MDFIC2: variants seen among roughly 807,000 people sequenced by gnomAD.
MDFIC2 encodes the protein MyoD family inhibitor domain containing 2, also known as myoD family inhibitor domain-containing protein 2.
chr3:70,259,787 G>A (rs1701848822), intron 2 of MDFIC2, among the ~76,000 whole-genome samples: 1 of 152,132 alleles, frequency 6.6e-6, no homozygotes, highest in Admixed American at 6.5e-5. Context: ...GACCGAGACT[G>A]GGTCATTTAT....
chr3:70,198,032 T>C (rs1003585954), intron 3 of MDFIC2, among the ~76,000 whole-genome samples: 2 of 152,224 alleles, frequency 1.3e-5, no homozygotes, highest in African/African-American at 4.8e-5. Flanking sequence ...TTAGAAGATG[T>C]AGCAGTTCTC....
intron 2 of MDFIC2, among the ~76,000 whole-genome samples, chr3:70,276,475 A>T (rs549049454): frequency 6.6e-6 from 1 of 152,336 alleles, no homozygotes; most frequent in South Asian, 2.1e-4. Flanking sequence ...TAATACTTAG[A>T]AGTGGCTGTC....
intron 2 of MDFIC2, among the ~76,000 whole-genome samples, chr3:70,298,693 G>C (rs2106699651): frequency 6.6e-6 from 1 of 152,138 alleles, no homozygotes; most frequent in African/African-American, 2.4e-5. Flanking sequence ...ATATTGACTT[G>C]CCCAAACTTT....
chr3:70,276,589 G>A (rs1440467030), intron 2 of MDFIC2, among the ~76,000 whole-genome samples: 1 of 152,078 alleles, frequency 6.6e-6, no homozygotes, highest in Non-Finnish European at 1.5e-5. Flanking sequence ...ACCTACCTGA[G>A]GATACCATGG....
chr3:70,289,281 C>A (rs1236610085), intron 2 of MDFIC2, among the ~76,000 whole-genome samples: 2 of 151,038 alleles, frequency 1.3e-5, no homozygotes, highest in African/African-American at 4.9e-5. Context: ...TCAGCATTTG[C>A]TTGTCTGTAA....
intron 2 of MDFIC2, among the ~76,000 whole-genome samples, chr3:70,215,138 CTT>C (rs1405133416): frequency 6.6e-6 from 1 of 152,090 alleles, no homozygotes; most frequent in Non-Finnish European, 1.5e-5. Flanking sequence ...CTTAAAGTCT[CTT>C]ATGTGCATTA....
intron 2 of MDFIC2, among the ~76,000 whole-genome samples, chr3:70,253,803 T>C (rs1485849591): frequency 2.6e-5 from 4 of 152,156 alleles, no homozygotes; most frequent in Non-Finnish European, 4.4e-5. Context: ...TCAATAAGAC[T>C]ATACCATAAC....
intron 2 of MDFIC2, among the ~76,000 whole-genome samples, chr3:70,261,711 G>A (rs1284177746): frequency 6.6e-6 from 1 of 152,124 alleles, no homozygotes; most frequent in Non-Finnish European, 1.5e-5. Context: ...TGCAGATGTA[G>A]CAAAGCCAAA....
chr3:70,250,411 TCACACACACA>T (rs61355248), intron 2 of MDFIC2, among the ~76,000 whole-genome samples: 247 of 124,962 alleles, frequency 2.0e-3, no homozygotes, highest in East Asian at 2.7e-3. Context: ...TTAATGAATC[TCACACACACA>T]CACACACACA....
intron 2 of MDFIC2, among the ~76,000 whole-genome samples, chr3:70,207,140 A>C (rs2106724946): frequency 6.6e-6 from 1 of 151,884 alleles, no homozygotes. Context: ...GAGTATTATT[A>C]ATCTGAGGAA....
rs533639176 is a variant in MDFIC2, at chr3:70,247,888, A to T, written c.89-41098T>A. On this transcript the variant is annotated intron_variant, in intron 2 of 3. Transcript: ENST00000567252. ...AAAATAATATCATAAGTTATTTTTT[A>T]TAAGTTTCTGTTTTCTGTAGTAAAG... 2.3e-3 allele frequency among the ~76,000 whole-genome samples: 355 copies of T among 152,208 alleles called. 3 individuals are homozygous for T. Among genetic ancestry groups the T allele is most frequent in the African/African-American group, 8.2e-3 (343 of 41,576 alleles).
chr3:70,267,974 C>G (rs956922622), intron 2 of MDFIC2, among the ~76,000 whole-genome samples: 3 of 151,320 alleles, frequency 2.0e-5, no homozygotes, highest in Non-Finnish European at 4.4e-5. Context: ...CTTTCGCCTC[C>G]CCTTTCGCCT....
intron 2 of MDFIC2, among the ~76,000 whole-genome samples, chr3:70,275,380 T>C (rs577755145): frequency 1.3e-5 from 2 of 152,210 alleles, no homozygotes; most frequent in East Asian, 1.9e-4. Context: ...TTGGGTGTGG[T>C]GGCATGTGCC....
chr3:70,281,280 A>G (rs754415041), intron 2 of MDFIC2, among the ~76,000 whole-genome samples: 2 of 152,172 alleles, frequency 1.3e-5, no homozygotes, highest in African/African-American at 2.4e-5. Flanking sequence ...ATTCGTGTCA[A>G]TGCCCTAAAT....
At position 70,249,651 on chromosome 3, in the gene MDFIC2, A is replaced by G. The variant is rs1464132042; in HGVS notation, c.89-42861T>C. 4 of 152,104 alleles carry G rather than the reference A, an allele frequency of 2.6e-5. No individual in the cohort carries two copies. The East Asian group carries it at 7.7e-4, about 29-fold the overall frequency. The allele number at this position is 152,104 out of a possible 1,614,324, so 9.4% of individuals were successfully genotyped here. On this transcript the variant is annotated intron_variant, in intron 2 of 3. Coordinates refer to ENST00000567252, the MANE Select transcript of MDFIC2 (RefSeq NM_001364677.1). The stretch of plus-strand genomic sequence containing the variant: ...ATGTTTTGGTCATGGGAGAGCTGCC[A>G]ATTCCACAGTACCAGCACAGTGAGA...
At chr3:70,225,805 G>A (rs1295997446) in intron 2 of MDFIC2, among the ~76,000 whole-genome samples, 1 of 152,186 alleles carries the variant, frequency 6.6e-6, no homozygotes, top group African/African-American at 2.4e-5. Flanking sequence ...AAAGATACAT[G>A]GTGGTGCCAT....
At chr3:70,234,952 G>T (rs1701593589) in intron 2 of MDFIC2, among the ~76,000 whole-genome samples, 1 of 152,112 alleles carries the variant, frequency 6.6e-6, no homozygotes, top group Non-Finnish European at 1.5e-5. Flanking sequence ...ATTTGGTCTG[G>T]AGTGCAGTCT....
intron 2 of MDFIC2, among the ~76,000 whole-genome samples, chr3:70,257,520 G>C (rs564732157): frequency 1.3e-5 from 2 of 152,054 alleles, no homozygotes; most frequent in African/African-American, 4.8e-5. Context: ...AAGGAAGGGA[G>C]GGAGAACTGG....
In MDFIC2 at chr3:70,283,827, A is replaced by G. The variant is rs146601635; in HGVS notation, c.88+28059T>C. 2.0e-5 allele frequency: 3 copies of G among 152,170 alleles called. No individual in the cohort carries two copies. The East Asian group carries it at 5.8e-4, about 29-fold the overall frequency. 9.4% of individuals were successfully genotyped at this position (152,170 alleles called of 1,614,324 possible). Reference sequence around the variant, plus strand: ...AAAAAGGCAAATATGGCCAAATGTTAACATCTGTTAAATCTGGATGGTGAG... The same window carrying G: ...AAAAAGGCAAATATGGCCAAATGTTGACATCTGTTAAATCTGGATGGTGAG... On this transcript the variant is annotated intron_variant, in intron 2 of 3. Coordinates refer to ENST00000567252, the MANE Select transcript of MDFIC2 (RefSeq NM_001364677.1).
Sources: allele counts gnomAD v4.1 joint callset (sites outside exome capture counted in the v4.1 genomes callset), GRCh38; gene constraint gnomAD v4.1.1; transcripts MANE v1.5; gene names NCBI Gene and HGNC (gene_info 2026-07-23, HGNC 2026-07-21).